HMGA2: variants seen among roughly 807,000 people sequenced by gnomAD.
HMGA2 encodes the protein high mobility group protein HMGI-C.
In HMGA2, 8 loss-of-function variants were observed where a neutral mutation model predicts 19.1. The observed-to-expected ratio is 0.42, with a 90% CI of 0.25 to 0.76. HMGA2 has a LOEUF of 0.76. HMGA2 is among the 30% of genes least tolerant of loss of function. HMGA2 has a pLI of 0.28. For missense variants in HMGA2, 109 were observed against 136.3 expected (o/e 0.80, Z 1.00); for synonymous variants, 60 against 48.8 (o/e 1.23, Z -0.96).
rs908144158 is a variant in HMGA2, at chr12:65,825,762, C to G, written c.111+381C>G. ...TTTCCGAGTTGCTTTTGCAACTGCC[C>G]GGGAGGAAGGAGGTGCCGGGGACCC... On this transcript the variant is annotated intron_variant, in intron 1 of 4. Coordinates refer to ENST00000403681, the MANE Select transcript of HMGA2 (RefSeq NM_003483.6). This position sits in a 1 kb window ranked among gnomAD's most constrained non-coding sequence, Gnocchi z 4.4. 1.3e-5 allele frequency among the ~76,000 whole-genome samples: 2 copies of G among 152,140 alleles called. No individual in the cohort carries two copies. Among genetic ancestry groups the G allele is most frequent in the Admixed American group, 6.5e-5 (1 of 15,284 alleles).
rs1215414541 is a variant in HMGA2 at position 65,965,326 on chromosome 12, C to T, written c.*2034C>T. The T allele has an allele frequency of 2.4e-5, 5 of 204,172 alleles. No homozygotes were observed. Among genetic ancestry groups the T allele is most frequent in the African/African-American group, 4.6e-5 (2 of 43,710 alleles). 12.6% of individuals were successfully genotyped at this position (204,172 alleles called of 1,614,324 possible). A position where few individuals can be genotyped will look rare whatever the true frequency, so the allele number is the denominator to read the frequency against. On this transcript the variant is annotated 3_prime_UTR_variant, in exon 5 of 5. Transcript: ENST00000403681. ...ATGTCTCAACCAGATTTATTTTAAA[C>T]GCTTCTTATGTAGAGTTTTTATGCC...
At chr12:65,949,697 G>C (rs1214819902) in intron 3 of HMGA2, among the ~76,000 whole-genome samples, 1 of 152,094 alleles carries the variant, frequency 6.6e-6, no homozygotes, top group Admixed American at 6.6e-5. Flanking sequence ...CAAAAGAGGA[G>C]AGTTTTGCTC....
At chr12:65,937,482 C>T (rs1431167812) in intron 3 of HMGA2, among the ~76,000 whole-genome samples, 1 of 152,238 alleles carries the variant, frequency 6.6e-6, no homozygotes, top group Non-Finnish European at 1.5e-5. Flanking sequence ...ATTTAGTCGG[C>T]TTCCAGAATG....
chr12:65,929,222 C>A (rs1592451876), intron 3 of HMGA2, among the ~76,000 whole-genome samples: 1 of 152,090 alleles, frequency 6.6e-6, no homozygotes, highest in Non-Finnish European at 1.5e-5. Flanking sequence ...AGTAACAAGA[C>A]TTCCTCATGT....
At chr12:65,860,165 G>A (rs1005521384) in intron 3 of HMGA2, 26 of 329,568 alleles carry the variant, frequency 7.9e-5, no homozygotes, top group Middle Eastern at 8.0e-4. Context: ...TCCTAGCTTC[G>A]CCTAGCCTAC....
At chr12:65,843,414 A>G (rs1871089875) in intron 3 of HMGA2, 1 of 202,154 alleles carries the variant, frequency 4.9e-6, no homozygotes, top group Non-Finnish European at 1.0e-5. Context: ...AGGATTTTAG[A>G]TAAGACAGCA....
intron 3 of HMGA2, among the ~76,000 whole-genome samples, chr12:65,877,597 C>G (rs1314517312): frequency 6.6e-6 from 1 of 152,132 alleles, no homozygotes; most frequent in Non-Finnish European, 1.5e-5. Context: ...TGACCTTTCC[C>G]CTTTAATGTG....
chr12:65,848,155 T>A (rs976530807), intron 3 of HMGA2, among the ~76,000 whole-genome samples: 4 of 152,232 alleles, frequency 2.6e-5, no homozygotes. Context: ...GAAATAGCAT[T>A]CTGCTTTCCA....
chr12:65,836,185 C>G (rs1047470780), intron 2 of HMGA2, among the ~76,000 whole-genome samples: 1 of 151,862 alleles, frequency 6.6e-6, no homozygotes, highest in Non-Finnish European at 1.5e-5. Context: ...TGGTGAAACC[C>G]CGTCTCTACT....
intron 3 of HMGA2, among the ~76,000 whole-genome samples, chr12:65,845,583 T>A (rs190851518): frequency 7.2e-4 from 109 of 152,148 alleles, no homozygotes; most frequent in African/African-American, 2.3e-3. Context: ...AGATTTTTTT[T>A]AAAAATCAAG....
intron 3 of HMGA2, chr12:65,842,823 A>C (rs1229875604): frequency 7.4e-7 from 1 of 1,358,928 alleles, no homozygotes; most frequent in East Asian, 2.6e-5. Context: ...GGAGCTCGTC[A>C]CATACCTAGT....
At chr12:65,834,754 T>C (rs1228446872) in intron 2 of HMGA2, among the ~76,000 whole-genome samples, 5 of 152,170 alleles carry the variant, frequency 3.3e-5, no homozygotes, top group Non-Finnish European at 7.3e-5. Flanking sequence ...TCTTTCCTAA[T>C]TAGTTTTTAA....
intron 4 of HMGA2, chr12:65,954,806 C>G (rs1490551779): frequency 2.6e-5 from 4 of 152,170 alleles, no homozygotes; most frequent in Non-Finnish European, 5.9e-5. Flanking sequence ...TGTACGTTAA[C>G]TTTTTTCTAA....
intron 3 of HMGA2, among the ~76,000 whole-genome samples, chr12:65,904,254 G>A (rs1563833): frequency 0.043 from 6,513 of 152,300 alleles, 196 homozygotes; most frequent in Middle Eastern, 0.085. Flanking sequence ...TCCTTGGCTC[G>A]TTGAGTGACC....
intron 3 of HMGA2, among the ~76,000 whole-genome samples, chr12:65,838,992 C>CT (rs1565703147): frequency 1.1e-5 from 1 of 89,452 alleles, no homozygotes; most frequent in Non-Finnish European, 1.9e-5. Context: ...CTTTCTTTTT[C>CT]TTTTTCTTTT....
Position 65,875,001 on chromosome 12 carries a change from C to G in HMGA2, c.249+36432C>G, listed in dbSNP as rs142942651. Among the ~76,000 whole-genome samples, 27 of 152,214 alleles carry G rather than the reference C, an allele frequency of 1.8e-4. No individual in the cohort carries two copies. The East Asian group carries it at 3.5e-3, about 20-fold the overall frequency. On this transcript the variant is annotated intron_variant, in intron 3 of 4. Coordinates refer to ENST00000403681, the MANE Select transcript of HMGA2 (RefSeq NM_003483.6). The stretch of plus-strand genomic sequence containing the variant: ...TCAACCAGAAAGGTTCCCCGCCCCC[C>G]CAGTAATACCCTTTTAGAATTATCA...
chr12:65,964,733 T>G lies in HMGA2; in HGVS notation c.*1441T>G, dbSNP rs751631691. The G allele has an allele frequency of 1.0e-5, 2 of 198,038 alleles. No homozygotes were observed. Among genetic ancestry groups the G allele is most frequent in the Non-Finnish European group, 1.0e-5 (1 of 95,540 alleles). 12.3% of individuals were successfully genotyped at this position (198,038 alleles called of 1,614,324 possible). ...TTCAGCATGACTATGTATTTTTCTA[T>G]GTTTTTTTAATTAAAAATTTTTAAA... On this transcript the variant is annotated 3_prime_UTR_variant, in exon 5 of 5. Transcript: ENST00000403681.
rs772190311 is a variant in HMGA2 at position 65,824,731 on chromosome 12, C to CTG, written c.-539_-538insGT. On this transcript the variant is annotated 5_prime_UTR_variant, in exon 1 of 5. Transcript: ENST00000403681. The stretch of plus-strand genomic sequence containing the variant: ...CAATCTCTTCTCTCTCTCTCTCTCT[C>CTG]TCTCTCTCTCTCTCTCTCTCTCTCT... The CTG allele has an allele frequency of 0.058, 11,662 of 200,634 alleles. 406 individuals carry two copies. Among genetic ancestry groups the CTG allele is most frequent in the Middle Eastern group, 0.1 (69 of 672 alleles). The allele number at this position is 200,634 out of a possible 1,614,324, so 12.4% of individuals were successfully genotyped here. A position where few individuals can be genotyped will look rare whatever the true frequency, so the allele number is the denominator to read the frequency against.
At chr12:65,891,605 G>A (rs570837871) in intron 3 of HMGA2, among the ~76,000 whole-genome samples, 8 of 152,244 alleles carry the variant, frequency 5.3e-5, no homozygotes, top group Admixed American at 1.3e-4. Context: ...GTTAAGAGTC[G>A]CGTAAATAAT....
Sources: gnomAD v4.1 joint callset for allele counts (sites outside exome capture counted in the v4.1 genomes callset) on GRCh38, gnomAD v4.1.1 for gene constraint, Gnocchi (gnomAD v3.1) non-coding constraint, MANE v1.5 for transcripts, NCBI Gene and HGNC (gene_info 2026-07-23, HGNC 2026-07-21) for gene names.